TFEC: variants seen among roughly 807,000 people sequenced by gnomAD.
The protein encoded by TFEC is transcription factor EC.
TFEC carries 31 observed loss-of-function variants against 41.6 expected under a neutral mutation model. The observed-to-expected ratio is 0.74, with a 90% CI of 0.56 to 1.01. The LOEUF is 1.01. Ranked by LOEUF, TFEC falls within the 50% of genes least tolerant of loss-of-function variation. TFEC has a pLI of 0.00. For missense variants in TFEC, 402 were observed against 404.1 expected, an observed-to-expected ratio of 0.99 and a Z score of 0.04; for synonymous variants, 143 against 140.6, an observed-to-expected ratio of 1.02 and a Z score of -0.12.
chr7:115,938,430 T>G lies in TFEC; in HGVS notation c.*2121A>C, dbSNP rs1562870096. 6.6e-6 allele frequency: 1 copy of G among 151,950 alleles called. No homozygotes were observed. Among genetic ancestry groups the G allele is most frequent in the Non-Finnish European group, 1.5e-5 (1 of 67,900 alleles). The allele number at this position is 151,950 out of a possible 1,614,324, so 9.4% of individuals were successfully genotyped here. ...TATGTAATATCGTCTTGAAAATTAT[T>G]GAGAAGATGTATCTAATAGCTGTTT... On this transcript the variant is annotated 3_prime_UTR_variant, in exon 8 of 8. Coordinates refer to ENST00000265440, the MANE Select transcript of TFEC (RefSeq NM_012252.4).
At chr7:116,153,761 T>C (rs957178259) in intron 1 of TFEC, among the ~76,000 whole-genome samples, 25 of 152,166 alleles carry the variant, frequency 1.6e-4, no homozygotes, top group African/African-American at 6.0e-4. Flanking sequence ...TTGGAATGAA[T>C]TGGACACTGC....
chr7:116,029,676 T>C (rs1245100053), intron 1 of TFEC, among the ~76,000 whole-genome samples: 1 of 151,980 alleles, frequency 6.6e-6, no homozygotes, highest in Non-Finnish European at 1.5e-5. Context: ...TTGTAATTTA[T>C]ATAAGCAAAT....
At chr7:115,946,206 A>T (rs1053481654) in intron 6 of TFEC, among the ~76,000 whole-genome samples, 13 of 151,376 alleles carry the variant, frequency 8.6e-5, no homozygotes, top group African/African-American at 3.1e-4. Flanking sequence ...TAGAGACTTT[A>T]AAAGATTTGA....
Position 115,956,689 on chromosome 7 carries a change from T to C in TFEC, c.372A>G (p.Arg124=). ...ASCPSSLPMK[R]EITETDTRAL... ...TAAAAGCAACATTACCTGTAATTTC[T>C]CTTTTCATTGGTAGACTACTTGGAC... is the stretch of plus-strand genomic sequence containing the variant. Residue 124 remains arginine, a synonymous_variant, in exon 4 of 8, where the codon AGA becomes AGG. Coordinates refer to ENST00000265440, the MANE Select transcript of TFEC (RefSeq NM_012252.4). 6.2e-7 allele frequency: 1 copy of C among 1,600,346 alleles called. No homozygotes were observed. Among genetic ancestry groups the C allele is most frequent in the South Asian group, 1.1e-5 (1 of 88,214 alleles).
chr7:116,034,586 T>A (rs1474518958), upstream of TFEC, among the ~76,000 whole-genome samples: 1 of 151,564 alleles, frequency 6.6e-6, no homozygotes, highest in East Asian at 1.9e-4. Context: ...ATTATCTGAG[T>A]CAAAGCTAAC....
chr7:116,139,982 A>C (rs757724814), intron 1 of TFEC, among the ~76,000 whole-genome samples: 24 of 152,228 alleles, frequency 1.6e-4, no homozygotes, highest in African/African-American at 5.3e-4. Flanking sequence ...GGATAAACAA[A>C]GCAAAAGGGA....
At chr7:115,955,087 AC>A (rs1792152218) in intron 4 of TFEC, among the ~76,000 whole-genome samples, 1 of 152,070 alleles carries the variant, frequency 6.6e-6, no homozygotes, top group Non-Finnish European at 1.5e-5. Flanking sequence ...TATTATTTCT[AC>A]ATCCCAAGAG....
At chr7:115,994,957 T>A (rs369076355) in intron 1 of TFEC, among the ~76,000 whole-genome samples, 1 of 152,014 alleles carries the variant, frequency 6.6e-6, no homozygotes, top group Non-Finnish European at 1.5e-5. Context: ...CAAATGTCCA[T>A]CAATGATAGA....
In TFEC at chr7:115,954,763, T is replaced by C. The variant is rs556909661; in HGVS notation, c.383-121A>G. On this transcript the variant is annotated intron_variant, in intron 4 of 7. Transcript: ENST00000265440. ...TATTTGCTCCAAAACGGTACAATAA[T>C]ATTTTTGATGCAAATATTCAGAAAT... 12 of 696,492 alleles carry C rather than the reference T, an allele frequency of 1.7e-5. No individual in the cohort carries two copies. The South Asian group carries it at 2.3e-4, about 14-fold the overall frequency. The allele number at this position is 696,492 out of a possible 1,614,324, so 43.1% of individuals were successfully genotyped here. A position where few individuals can be genotyped will look rare whatever the true frequency, so the allele number is the denominator to read the frequency against.
chr7:116,031,381 A>G (rs11767151), upstream of TFEC, among the ~76,000 whole-genome samples: 35,359 of 151,938 alleles, frequency 0.23, 4,306 homozygotes, highest in East Asian at 0.39. Flanking sequence ...TTTACATCCC[A>G]ATTTCATTTG....
At chr7:116,047,722 T>G (rs1161831414) in intron 3 of TFEC, among the ~76,000 whole-genome samples, 1 of 152,128 alleles carries the variant, frequency 6.6e-6, no homozygotes, top group African/African-American at 2.4e-5. Flanking sequence ...TCCCTGACCC[T>G]CAAGTAGCTT....
rs557828301 is a variant in TFEC, at chr7:116,096,975, A to G, written c.198+13733T>C. 1.9e-4 allele frequency among the ~76,000 whole-genome samples: 29 copies of G among 152,122 alleles called. No homozygotes were observed. In the South Asian group the frequency reaches 6.0e-3, roughly 32 times the overall value. On this transcript the variant is annotated intron_variant, in intron 3 of 8. Transcript: ENST00000484212. ...CGTGGTGCCGCATGCCTGTAATCCC[A>G]GCTACTCGGGAGGCTGAGGCAGGAG...
intron 3 of TFEC, among the ~76,000 whole-genome samples, chr7:116,038,428 CGACTGATAA>C (rs1473915995): frequency 1.3e-5 from 2 of 151,814 alleles, no homozygotes; most frequent in African/African-American, 4.8e-5. Flanking sequence ...AAGGCATAAA[CGACTGATAA>C]GACTTAAAAT....
At chr7:116,120,463 G>A (rs901873231) in intron 1 of TFEC, 13 of 151,756 alleles carry the variant, frequency 8.6e-5, no homozygotes, top group South Asian at 2.1e-4. Flanking sequence ...AATTTCATGC[G>A]CCACCCAAGA....
chr7:116,078,137 C>G (rs796069604), intron 3 of TFEC, among the ~76,000 whole-genome samples: 6 of 151,990 alleles, frequency 3.9e-5, no homozygotes, highest in African/African-American at 1.2e-4. Flanking sequence ...CTCAAAACCA[C>G]GCAAATACAT....
At chr7:116,011,900 C>T (rs547398068) in intron 1 of TFEC, among the ~76,000 whole-genome samples, 1 of 152,284 alleles carries the variant, frequency 6.6e-6, no homozygotes, top group Admixed American at 6.5e-5. Flanking sequence ...GCTCCCTCTT[C>T]CCCTTCTGCC....
intron 1 of TFEC, among the ~76,000 whole-genome samples, chr7:115,986,788 T>G: frequency 6.8e-6 from 1 of 147,054 alleles, no homozygotes; most frequent in African/African-American, 2.5e-5. Flanking sequence ...AGGGATAGCA[T>G]TAGGAGAAAT....
At chr7:116,071,599 GATTT>G (rs927318491) in intron 3 of TFEC, among the ~76,000 whole-genome samples, 7 of 151,382 alleles carry the variant, frequency 4.6e-5, no homozygotes, top group African/African-American at 1.4e-4. Flanking sequence ...GATCTAAAGA[GATTT>G]ATTTAGTCAT....
intron 3 of TFEC, among the ~76,000 whole-genome samples, chr7:116,040,775 C>T (rs964517195): frequency 2.6e-5 from 4 of 152,138 alleles, no homozygotes; most frequent in African/African-American, 9.7e-5. Context: ...CCATTTGGGT[C>T]TCATCTGATA....
Sources: allele counts gnomAD v4.1 joint callset (sites outside exome capture counted in the v4.1 genomes callset), GRCh38; gene constraint gnomAD v4.1.1; transcripts MANE v1.5; gene names NCBI Gene and HGNC (gene_info 2026-07-23, HGNC 2026-07-21).